Variants in EEFSEC observed in about 807,000 individuals in gnomAD.
The protein encoded by EEFSEC is eukaryotic elongation factor, selenocysteine-tRNA specific, also known as selenocysteine-specific elongation factor.
EEFSEC carries 43 observed loss-of-function variants against 42.1 expected under a neutral mutation model. The observed-to-expected ratio is 1.02, with a 90% CI of 0.80 to 1.32. The LOEUF is 1.32. Among genes scored for constraint, EEFSEC ranks in the 40% most tolerant of loss-of-function variants. The pLI is 0.00. For synonymous variants in EEFSEC, 354 were observed against 339.1 expected, an observed-to-expected ratio of 1.04 and a Z score of -0.48; for missense variants, 745 against 803.6, an observed-to-expected ratio of 0.93 and a Z score of 0.88.
intron 4 of EEFSEC, among the ~76,000 whole-genome samples, chr3:128,335,479 A>G (rs991253049): frequency 4.6e-5 from 7 of 152,228 alleles, no homozygotes; most frequent in African/African-American, 1.7e-4. Flanking sequence ...CATGCCTGGC[A>G]CATTCAGGGA....
chr3:128,399,099 T>C (rs974234925), intron 6 of EEFSEC, among the ~76,000 whole-genome samples: 9 of 120,826 alleles, frequency 7.4e-5, no homozygotes, highest in African/African-American at 3.6e-4. Context: ...AATAAATAAA[T>C]AAATAAAATA....
intron 6 of EEFSEC, among the ~76,000 whole-genome samples, chr3:128,391,142 T>C (rs2067908094): frequency 6.6e-6 from 1 of 152,208 alleles, no homozygotes; most frequent in Non-Finnish European, 1.5e-5. Context: ...CATGCCTGCA[T>C]AGAGTAGGTG....
chr3:128,390,999 A>C (rs997637189), intron 6 of EEFSEC, among the ~76,000 whole-genome samples: 1 of 152,066 alleles, frequency 6.6e-6, no homozygotes, highest in African/African-American at 2.4e-5. Context: ...CACCCTCTTG[A>C]CACTCCCCTC....
chr3:128,326,574 C>T (rs2067066222), intron 4 of EEFSEC, among the ~76,000 whole-genome samples: 1 of 152,130 alleles, frequency 6.6e-6, no homozygotes, highest in African/African-American at 2.4e-5. Flanking sequence ...TGTGACAGAC[C>T]CAGCCAGGAG....
chr3:128,341,111 C>A, intron 4 of EEFSEC, 122 bp from the exon 5 acceptor site: 1 of 1,223,880 alleles, frequency 8.2e-7, no homozygotes, highest in Non-Finnish European at 1.1e-6. Flanking sequence ...CCCCCCTTGG[C>A]TGGTCCTCAC....
intron 6 of EEFSEC, among the ~76,000 whole-genome samples, chr3:128,397,990 G>A (rs972777913): frequency 6.6e-6 from 1 of 152,256 alleles, no homozygotes; most frequent in East Asian, 1.9e-4. Flanking sequence ...CCCAGCCTCT[G>A]TGCACTGACA....
chr3:128,384,776 C>T (rs1266841082), intron 6 of EEFSEC, among the ~76,000 whole-genome samples: 1 of 152,186 alleles, frequency 6.6e-6, no homozygotes, highest in Non-Finnish European at 1.5e-5. Context: ...GGCTAGTGCA[C>T]AGGGGTTTCC....
intron 4 of EEFSEC, among the ~76,000 whole-genome samples, chr3:128,284,491 A>G (rs945803191): frequency 4.6e-5 from 7 of 152,042 alleles, no homozygotes; most frequent in Non-Finnish European, 7.4e-5. Context: ...TGTGCAGGCC[A>G]CCAAGGCTCC....
chr3:128,219,204 T>C (rs985697256), intron 1 of EEFSEC, among the ~76,000 whole-genome samples: 1 of 152,236 alleles, frequency 6.6e-6, no homozygotes, highest in African/African-American at 2.4e-5. Context: ...TCATCTCCCA[T>C]TGGAGTGATG....
chr3:128,321,746 G>A (rs2067010221), intron 4 of EEFSEC, among the ~76,000 whole-genome samples: 1 of 152,226 alleles, frequency 6.6e-6, no homozygotes. Flanking sequence ...GCTGCCTGCT[G>A]GGTCTGCACT....
intron 1 of EEFSEC, among the ~76,000 whole-genome samples, chr3:128,235,488 G>A (rs545429198): frequency 8.4e-4 from 127 of 152,004 alleles, no homozygotes; most frequent in African/African-American, 2.9e-3. Flanking sequence ...TTTTCCCCCT[G>A]CTTACCTAGT....
At chr3:128,157,222 AG>A (rs1944396804) in intron 1 of EEFSEC, among the ~76,000 whole-genome samples, 1 of 152,364 alleles carries the variant, frequency 6.6e-6, no homozygotes, top group South Asian at 2.1e-4. Flanking sequence ...GAGAGAGGTA[AG>A]GAAGCTGCAG....
chr3:128,275,104 G>A (rs1052023724), intron 4 of EEFSEC, among the ~76,000 whole-genome samples: 2 of 152,152 alleles, frequency 1.3e-5, no homozygotes, highest in African/African-American at 4.8e-5. Flanking sequence ...AATAGGATGC[G>A]CATGTCATCG....
At chr3:128,410,497 C>T (rs2068166295), downstream of EEFSEC, among the ~76,000 whole-genome samples, 1 of 152,144 alleles carries the variant, frequency 6.6e-6, no homozygotes, top group Non-Finnish European at 1.5e-5. Context: ...GGGGCCAGAT[C>T]AGGTGTGGAG....
At chr3:128,411,783 C>A (rs1003842213), downstream of EEFSEC, among the ~76,000 whole-genome samples, 4 of 152,320 alleles carry the variant, frequency 2.6e-5, no homozygotes, top group East Asian at 7.7e-4. Context: ...CAATAGATAA[C>A]GTCTCGTAAA....
chr3:128,196,954 GTA>G (rs1175203401), intron 1 of EEFSEC, among the ~76,000 whole-genome samples: 12 of 152,220 alleles, frequency 7.9e-5, no homozygotes, highest in Non-Finnish European at 1.8e-4. Flanking sequence ...GATGCTCGCA[GTA>G]TGTTAAGAAT....
At chr3:128,261,886 G>A (rs1332060591) in intron 2 of EEFSEC, among the ~76,000 whole-genome samples, 1 of 152,184 alleles carries the variant, frequency 6.6e-6, no homozygotes, top group Non-Finnish European at 1.5e-5. Context: ...TAATATCTAA[G>A]AGAGCCCTTT....
intron 6 of EEFSEC, among the ~76,000 whole-genome samples, chr3:128,404,659 C>T (rs1559961835): frequency 6.6e-6 from 1 of 152,248 alleles, no homozygotes; most frequent in Non-Finnish European, 1.5e-5. Context: ...CCAGGGTCCT[C>T]CCCATGCCCA....
chr3:128,184,742 T>C (rs2065447801), intron 1 of EEFSEC, among the ~76,000 whole-genome samples: 1 of 152,214 alleles, frequency 6.6e-6, no homozygotes, highest in South Asian at 2.1e-4. Context: ...CCTTATCTCT[T>C]ATAGAATGAA....
Sources: allele counts gnomAD v4.1 joint callset (sites outside exome capture counted in the v4.1 genomes callset), GRCh38; gene constraint gnomAD v4.1.1; transcripts MANE v1.5; gene names NCBI Gene and HGNC (gene_info 2026-07-23, HGNC 2026-07-21).